MSTO1: variants seen among roughly 807,000 people sequenced by gnomAD.
The protein encoded by MSTO1 is misato mitochondrial distribution and morphology regulator 1.
In MSTO1, 24 loss-of-function variants were observed where a neutral mutation model predicts 55.7. That is an observed-to-expected ratio of 0.43 (90% CI 0.31 to 0.61). The LOEUF is 0.61. Among genes scored for constraint, MSTO1 ranks in the 20% least tolerant of loss-of-function variants. The probability of loss-of-function intolerance (pLI) is 0.09; values close to 1 mark genes in which losing one functional copy is unlikely to be tolerated. For synonymous variants in MSTO1, 162 were observed against 252.8 expected (o/e 0.64, Z 3.41); for missense variants, 363 against 625.7 (o/e 0.58, Z 4.48).
the MSTO1 span, among the ~76,000 whole-genome samples, chr1:155,566,956 G>A: frequency 6.6e-6 from 1 of 152,054 alleles, no homozygotes; most frequent in African/African-American, 2.4e-5. Flanking sequence ...TGCCTAGGCT[G>A]CAGACTAGCT....
the MSTO1 span, among the ~76,000 whole-genome samples, chr1:155,584,920 G>C: frequency 1.2e-5 from 1 of 84,604 alleles, no homozygotes; most frequent in Admixed American, 1.4e-4. Context: ...TTTTTGTTTT[G>C]TTTGTTTGTT....
At chr1:155,573,769 CAG>C in the MSTO1 span, among the ~76,000 whole-genome samples, 1 of 146,720 alleles carries the variant, frequency 6.8e-6, no homozygotes, top group African/African-American at 2.5e-5. Context: ...AACCAGGAGA[CAG>C]AGGTTACAGT....
chr1:155,576,653 GATGTT>G, the MSTO1 span, among the ~76,000 whole-genome samples: 1 of 151,284 alleles, frequency 6.6e-6, no homozygotes, highest in African/African-American at 2.4e-5. Context: ...TTGTGCTTTT[GATGTT>G]ATATCTAAGA....
chr1:155,603,968 T>G, the MSTO1 span, among the ~76,000 whole-genome samples: 1 of 152,198 alleles, frequency 6.6e-6, no homozygotes, highest in Non-Finnish European at 1.5e-5. Flanking sequence ...AGTCATCCTT[T>G]TTAACCCAGG....
the MSTO1 span, among the ~76,000 whole-genome samples, chr1:155,576,595 G>T: frequency 6.6e-6 from 1 of 151,906 alleles, no homozygotes; most frequent in African/African-American, 2.4e-5. Flanking sequence ...AAAGTGCTGG[G>T]ATTACAGGTG....
At chr1:155,613,347 G>GA (rs11454639) in intron 11 of MSTO1, 114 bp downstream of exon 11, 43,712 of 1,372,930 alleles carry the variant, frequency 0.032, 332 homozygotes, top group African/African-American at 0.08. Context: ...CCTTAAAAAG[G>GA]AAAAAAAAAA....
the MSTO1 span, among the ~76,000 whole-genome samples, chr1:155,589,368 A>G: frequency 2.0e-5 from 3 of 151,858 alleles, no homozygotes; most frequent in Non-Finnish European, 2.9e-5. Flanking sequence ...TGTTGGTAAG[A>G]GAAAGTTTTG....
At chr1:155,588,536 A>T in the MSTO1 span, among the ~76,000 whole-genome samples, 3 of 152,148 alleles carry the variant, frequency 2.0e-5, no homozygotes, top group East Asian at 5.8e-4. Context: ...TGGCTAGGTA[A>T]CTTACCTGAG....
the MSTO1 span, among the ~76,000 whole-genome samples, chr1:155,603,870 A>T: frequency 2.6e-5 from 4 of 152,212 alleles, no homozygotes; most frequent in African/African-American, 9.6e-5. Context: ...AAAGAAAAAA[A>T]AAATTAAATC....
chr1:155,595,696 T>C, the MSTO1 span, among the ~76,000 whole-genome samples: 405 of 151,684 alleles, frequency 2.7e-3, 1 homozygote, highest in African/African-American at 9.5e-3. Context: ...AGTTTCACCA[T>C]GTTGGCCAGG....
chr1:155,583,747 C>T, the MSTO1 span, among the ~76,000 whole-genome samples: 3 of 152,052 alleles, frequency 2.0e-5, no homozygotes, highest in Non-Finnish European at 4.4e-5. Context: ...TCCACAGGCA[C>T]GCCTATGGAA....
chr1:155,575,796 T>TTA, the MSTO1 span, among the ~76,000 whole-genome samples: 2 of 144,660 alleles, frequency 1.4e-5, no homozygotes, highest in South Asian at 2.1e-4. Flanking sequence ...CTTATTTTAT[T>TTA]TTTATTTATT....
At position 155,613,212 on chromosome 1, in the gene MSTO1, T is replaced by C. The variant is rs1288018362; in HGVS notation, c.1262T>C (p.Ile421Thr). 10 of 1,613,850 alleles carry C rather than the reference T, an allele frequency of 6.2e-6. No homozygotes were observed. The highest frequency in any genetic ancestry group is 5.5e-5 in the South Asian group (5 of 91,066). Residue 421 changes from isoleucine (I) to threonine (T), a missense_variant, in exon 11 of 14, where the codon ATA becomes ACA. Coordinates refer to ENST00000245564, the MANE Select transcript of MSTO1 (RefSeq NM_018116.4). The stretch of plus-strand genomic sequence containing the variant: ...GCCCAGTCAGTGGTGCTGAGGGGTA[T>C]AGACAGAGCATGCCACACAAGGTGA... Reference protein sequence around the residue: ...CFAQSVVLRGIDRACHTSQLT... With the variant: ...CFAQSVVLRGTDRACHTSQLT...
At chr1:155,601,137 CTT>C in the MSTO1 span, among the ~76,000 whole-genome samples, 1 of 149,118 alleles carries the variant, frequency 6.7e-6, no homozygotes, top group African/African-American at 2.5e-5. Context: ...ATATTTATTC[CTT>C]TTTTTTTCTT....
chr1:155,591,209 C>A, the MSTO1 span: 112 of 1,612,144 alleles, frequency 6.9e-5, 1 homozygote, highest in African/African-American at 1.0e-3. Context: ...GGCCATTCAC[C>A]CAGCCCAGCA....
At chr1:155,609,944 G>GC, upstream of MSTO1, 1 of 439,286 alleles carries the variant, frequency 2.3e-6, no homozygotes, top group Non-Finnish European at 4.1e-6. Context: ...GCCTTCCACG[G>GC]CCCGCGCCCT....
chr1:155,577,660 T>G, the MSTO1 span, among the ~76,000 whole-genome samples: 2 of 152,208 alleles, frequency 1.3e-5, no homozygotes, highest in Non-Finnish European at 2.9e-5. Flanking sequence ...AATCAAGATG[T>G]ATGAGTCCTT....
the MSTO1 span, among the ~76,000 whole-genome samples, chr1:155,573,520 G>A: frequency 3.3e-5 from 5 of 151,644 alleles, no homozygotes; most frequent in Non-Finnish European, 7.4e-5. Flanking sequence ...ACCACATGGC[G>A]AAACCCTGTC....
At chr1:155,588,947 A>C in the MSTO1 span, among the ~76,000 whole-genome samples, 5 of 152,274 alleles carry the variant, frequency 3.3e-5, no homozygotes, top group East Asian at 7.7e-4. Flanking sequence ...AAACGAAAGC[A>C]AGGATCAGCA....
Sources: allele counts gnomAD v4.1 joint callset (sites outside exome capture counted in the v4.1 genomes callset), GRCh38; gene constraint gnomAD v4.1.1; transcripts MANE v1.5; gene names NCBI Gene and HGNC (gene_info 2026-07-23, HGNC 2026-07-21).